Variants in AK9 observed in about 807,000 individuals in gnomAD.
The protein encoded by AK9 is adenylate kinase domain containing 1.
A neutral mutation model predicts 239.6 loss-of-function variants in AK9; 191 were observed. The observed-to-expected ratio is 0.80, with a 90% CI of 0.71 to 0.90. The LOEUF is 0.90. Among genes scored for constraint, AK9 ranks in the 40% least tolerant of loss-of-function variants. The probability of loss-of-function intolerance (pLI) is 0.00; values close to 1 mark genes in which losing one functional copy is unlikely to be tolerated. For synonymous variants in AK9, 689 were observed against 721.0 expected (o/e 0.96, Z 0.71); for missense variants, 1,995 against 2,214.7 (o/e 0.90, Z 1.99).
Position 109,614,834 on chromosome 6 carries a change from A to T in AK9, c.1400-354T>A, listed in dbSNP as rs528987409. On this transcript the variant is annotated intron_variant, in intron 13 of 40. Transcript: ENST00000424296. ...AAACCTCAATATTCTCCACTGACAAATTTTTCTTAAAAATATATTGAGGCA... is the reference window on the plus strand; with the variant it reads ...AAACCTCAATATTCTCCACTGACAATTTTTTCTTAAAAATATATTGAGGCA... Among the ~76,000 whole-genome samples the T allele has an allele frequency of 2.0e-5, 3 of 152,296 alleles. No homozygotes were observed. In the South Asian group the frequency reaches 6.2e-4, roughly 32 times the overall value.
intron 15 of AK9, among the ~76,000 whole-genome samples, chr6:109,613,923 T>C (rs1164006818): frequency 6.6e-6 from 1 of 152,144 alleles, no homozygotes; most frequent in East Asian, 1.9e-4. Flanking sequence ...AATGATTTTA[T>C]AACATTGGAA....
chr6:109,623,693 AAC>A (rs1467536244), intron 12 of AK9, among the ~76,000 whole-genome samples: 2 of 152,178 alleles, frequency 1.3e-5, no homozygotes, highest in Admixed American at 6.5e-5. Context: ...ATAAATGAGA[AAC>A]ACACACATGG....
chr6:109,596,112 C>G (rs1192751979), intron 17 of AK9, among the ~76,000 whole-genome samples: 1 of 152,194 alleles, frequency 6.6e-6, no homozygotes, highest in Admixed American at 6.5e-5. Flanking sequence ...CAGATAAGAG[C>G]TAGCTGCAGC....
chr6:109,555,021 CTCTTA>C (rs1327352582), intron 24 of AK9, among the ~76,000 whole-genome samples: 1 of 152,120 alleles, frequency 6.6e-6, no homozygotes, highest in Non-Finnish European at 1.5e-5. Context: ...TTCAATTCTT[CTCTTA>C]TCTTAGTTAT....
At chr6:109,598,165 C>CT (rs1319239675) in intron 17 of AK9, among the ~76,000 whole-genome samples, 1 of 152,020 alleles carries the variant, frequency 6.6e-6, no homozygotes, top group African/African-American at 2.4e-5. Flanking sequence ...TGCTGGTGTG[C>CT]TGCACCCATT....
At chr6:109,599,470 T>C (rs1183612088) in intron 17 of AK9, among the ~76,000 whole-genome samples, 1 of 152,218 alleles carries the variant, frequency 6.6e-6, no homozygotes, top group Non-Finnish European at 1.5e-5. Flanking sequence ...CTGTTTTGGT[T>C]ACTGTAGCCT....
chr6:109,605,506 T>C (rs1357754196), intron 17 of AK9, among the ~76,000 whole-genome samples: 1 of 152,134 alleles, frequency 6.6e-6, no homozygotes, highest in Admixed American at 6.5e-5. Context: ...GAGAAGTTTG[T>C]GTGGCAGAGC....
intron 13 of AK9, among the ~76,000 whole-genome samples, chr6:109,614,883 A>G (rs534470329): frequency 5.3e-5 from 8 of 152,322 alleles, no homozygotes; most frequent in Admixed American, 2.6e-4. Flanking sequence ...AAAAATTCCA[A>G]TTTAAAATTT....
intron 10 of AK9, 115 bp downstream of exon 10, chr6:109,641,403 G>C: frequency 3.0e-6 from 2 of 666,448 alleles, no homozygotes; most frequent in South Asian, 1.9e-5. Flanking sequence ...ATCCAGGCTG[G>C]TCTCAGACTC....
chr6:109,596,153 C>A (rs1357489949), intron 17 of AK9, among the ~76,000 whole-genome samples: 1 of 152,140 alleles, frequency 6.6e-6, no homozygotes. Context: ...TTTGCTTGAT[C>A]TTTATCGTGG....
intron 17 of AK9, among the ~76,000 whole-genome samples, chr6:109,604,294 A>G (rs1336541822): frequency 6.6e-6 from 1 of 152,160 alleles, no homozygotes; most frequent in Non-Finnish European, 1.5e-5. Flanking sequence ...CTTCCATTGC[A>G]TTTGTGTCTG....
chr6:109,501,113 C>A lies in AK9; in HGVS notation c.4850-1873G>T, dbSNP rs138948107. ...AAATTTCTGCAACCAAATAGGTTGA[C>A]CCTTCCCCACTTACTGGGTTTCATA... On this transcript the variant is annotated intron_variant, in intron 35 of 40. Coordinates refer to ENST00000424296, the MANE Select transcript of AK9 (RefSeq NM_001145128.3). 8.1e-4 allele frequency among the ~76,000 whole-genome samples: 123 copies of A among 152,326 alleles called. No homozygotes were observed. In the East Asian group the frequency reaches 0.022, roughly 27 times the overall value.
At chr6:109,569,286 G>T (rs1247428333) in intron 21 of AK9, among the ~76,000 whole-genome samples, 1 of 152,042 alleles carries the variant, frequency 6.6e-6, no homozygotes, top group Non-Finnish European at 1.5e-5. Flanking sequence ...AATTCAAGAT[G>T]GATTAAAGAC....
At chr6:109,655,958 T>C (rs1252487937) in intron 8 of AK9, among the ~76,000 whole-genome samples, 10 of 152,164 alleles carry the variant, frequency 6.6e-5, no homozygotes, top group Non-Finnish European at 1.2e-4. Flanking sequence ...AGAATGAAAA[T>C]GATCCACTCA....
chr6:109,619,980 G>A (rs1287056865), intron 12 of AK9, among the ~76,000 whole-genome samples: 1 of 152,052 alleles, frequency 6.6e-6, no homozygotes, highest in African/African-American at 2.4e-5. Flanking sequence ...ATTCATCAGT[G>A]TTATTGTGGG....
At chr6:109,536,816 G>T (rs563626121) in intron 27 of AK9, among the ~76,000 whole-genome samples, 1 of 152,258 alleles carries the variant, frequency 6.6e-6, no homozygotes, top group South Asian at 2.1e-4. Context: ...AGCATGAAGG[G>T]CTGTTGAATT....
At chr6:109,629,963 C>G (rs1466378346) in intron 12 of AK9, among the ~76,000 whole-genome samples, 3 of 152,000 alleles carry the variant, frequency 2.0e-5, no homozygotes, top group Non-Finnish European at 2.9e-5. Context: ...CATTAAAAAC[C>G]AGGTGATGCT....
intron 29 of AK9, 163 bp downstream of exon 29, chr6:109,528,848 G>T: frequency 7.8e-7 from 1 of 1,283,328 alleles, no homozygotes; most frequent in Non-Finnish European, 1.1e-6. Flanking sequence ...AAGGCTGGGT[G>T]TGATGGCTCA....
chr6:109,559,165 C>T (rs1785394545), intron 24 of AK9, among the ~76,000 whole-genome samples: 1 of 76,734 alleles, frequency 1.3e-5, no homozygotes, highest in Non-Finnish European at 2.7e-5. Flanking sequence ...GTATATCTAT[C>T]TGTTTTTTTT....
Sources: allele counts gnomAD v4.1 joint callset (sites outside exome capture counted in the v4.1 genomes callset), GRCh38; gene constraint gnomAD v4.1.1; transcripts MANE v1.5; gene names NCBI Gene and HGNC (gene_info 2026-07-23, HGNC 2026-07-21).